Variants in TNN observed in about 807,000 individuals in gnomAD.
The protein encoded by TNN is tenascin N, also known as tenascin-N.
In TNN, 122 loss-of-function variants were observed where a neutral mutation model predicts 134.4. That is an observed-to-expected ratio of 0.91 (90% confidence interval 0.78 to 1.06). TNN has a LOEUF of 1.06. Among genes scored for constraint, TNN ranks in the 50% least tolerant of loss-of-function variants. The pLI is 0.00. For synonymous variants in TNN, 710 were observed against 670.3 expected (o/e 1.06, Z -0.91); for missense variants, 1,739 against 1,699.4 (o/e 1.02, Z -0.41).
intron 10 of TNN, among the ~76,000 whole-genome samples, chr1:175,118,269 T>C (rs963990938): frequency 6.6e-6 from 1 of 152,130 alleles, no homozygotes; most frequent in African/African-American, 2.4e-5. Context: ...ATGGACAGAG[T>C]TGGGGCTTGA....
chr1:175,083,919 C>G lies in TNN; in HGVS notation c.1218C>G (p.Ser406Arg). The change falls in exon 5 of 19, where the codon AGC becomes AGG. Residue 406 changes from serine to arginine, a missense_variant. Ser to Arg is a moderately radical substitution (Grantham distance 110). Transcript: ENST00000239462. ...VTVPKSSDPK[S>R]RYDITGLHPG... ...TGCCCAAGAGCAGTGACCCCAAGAG[C>G]CGATATGACATCACTGGTAAGAGCC... The G allele has an allele frequency of 6.2e-7, 1 of 1,613,934 alleles. No individual in the cohort carries two copies. The highest frequency in any genetic ancestry group is 8.5e-7 in the Non-Finnish European group (1 of 1,179,962).
intron 9 of TNN, among the ~76,000 whole-genome samples, chr1:175,113,095 A>T (rs1412530534): frequency 6.6e-6 from 1 of 152,146 alleles, no homozygotes; most frequent in Middle Eastern, 3.2e-3. Context: ...AGGTTTTTGT[A>T]GTACTGAGGC....
In TNN at chr1:175,143,733, C is replaced by A. The variant is rs142504707; in HGVS notation, c.3596-654C>A. ...CTGTGCATAGGGCACAACCAACCTA[C>A]AGGCCTGCAAGGCATGGAAGAGGAA... On this transcript the variant is annotated intron_variant, in intron 17 of 18. Coordinates refer to ENST00000239462, the MANE Select transcript of TNN (RefSeq NM_022093.2). Among the ~76,000 whole-genome samples the A allele has an allele frequency of 6.6e-5, 10 of 152,254 alleles. 1 individual carries two copies. The highest frequency in any genetic ancestry group is 2.4e-4 in the African/African-American group (10 of 41,548).
intron 12 of TNN, 81 bp from the exon 13 acceptor site, chr1:175,126,874 A>G (rs1043364164): frequency 2.0e-5 from 30 of 1,480,322 alleles, no homozygotes; most frequent in Non-Finnish European, 2.6e-5. Flanking sequence ...TGAAAAGGGG[A>G]AAATATAAAC....
At chr1:175,126,743 G>T (rs1008667118) in intron 12 of TNN, among the ~76,000 whole-genome samples, 2 of 152,120 alleles carry the variant, frequency 1.3e-5, no homozygotes, top group Non-Finnish European at 2.9e-5. Flanking sequence ...CCCACCCAAC[G>T]CCCTGTTCTT....
intron 15 of TNN, among the ~76,000 whole-genome samples, chr1:175,134,795 C>T (rs1306189278): frequency 2.0e-5 from 3 of 152,128 alleles, no homozygotes; most frequent in African/African-American, 4.8e-5. Context: ...TACTGTCCCC[C>T]TTCATCTGCA....
chr1:175,142,624 CT>C (rs67784796), intron 17 of TNN, among the ~76,000 whole-genome samples: 25 of 146,690 alleles, frequency 1.7e-4, no homozygotes, highest in Middle Eastern at 3.4e-3. Context: ...TTTTTCTTTT[CT>C]TTTTTTTTTT....
chr1:175,114,715 G>A (rs998577046), intron 9 of TNN, among the ~76,000 whole-genome samples: 9 of 148,716 alleles, frequency 6.1e-5, no homozygotes, highest in South Asian at 2.1e-4. Context: ...TGGGCAGGGT[G>A]CAGCCGTGGT....
At position 175,123,656 on chromosome 1, in the gene TNN, C is replaced by A. The variant is rs138898390; in HGVS notation, c.2907C>A (p.Ala969=). Residue 969 remains alanine, a synonymous_variant, in exon 12 of 19, where the codon GCC becomes GCA. Transcript: ENST00000239462. ...AGAGCAAGAAGGCTGACACCAAGGC[C>A]CAGACAGGTACTGAGAGGGACCAGG... The part of the protein sequence containing the change: ...AQESKKADTK[A]QTELDPPRNL... 1 of 1,614,152 alleles carries A rather than the reference C, an allele frequency of 6.2e-7. No homozygotes were observed.
intron 15 of TNN, among the ~76,000 whole-genome samples, chr1:175,131,898 G>A (rs968160598): frequency 3.5e-5 from 5 of 141,408 alleles, no homozygotes; most frequent in Non-Finnish European, 6.0e-5. Context: ...AAGCTTCCCT[G>A]GCCCAGATGA....
In TNN at chr1:175,104,841, C is replaced by G. The variant is rs891817352; in HGVS notation, c.2119+6246C>G. ...TTTCTTAAGGCCTCTTGTAGCCGCTCGAGGAAGGCAGAAGGATTTTCTTCC... is the reference window on the plus strand; with the variant it reads ...TTTCTTAAGGCCTCTTGTAGCCGCTGGAGGAAGGCAGAAGGATTTTCTTCC... On this transcript the variant is annotated intron_variant, in intron 9 of 18. Coordinates refer to ENST00000239462, the MANE Select transcript of TNN (RefSeq NM_022093.2). 3.4e-5 allele frequency among the ~76,000 whole-genome samples: 5 copies of G among 145,842 alleles called. 1 individual carries two copies. The highest frequency in any genetic ancestry group is 9.9e-5 in the African/African-American group (4 of 40,470).
intron 12 of TNN, among the ~76,000 whole-genome samples, chr1:175,123,950 C>T (rs1234645318): frequency 6.6e-6 from 1 of 152,210 alleles, no homozygotes; most frequent in Non-Finnish European, 1.5e-5. Flanking sequence ...AATGGTTGGG[C>T]CTCAGCTGCA....
At position 175,135,836 on chromosome 1, in the gene TNN, C is replaced by T. The variant is rs1193312419; in HGVS notation, c.3331-9C>T. On this transcript the variant is annotated splice_polypyrimidine_tract_variant and intron_variant, in intron 15 of 18. Coordinates refer to ENST00000239462, the MANE Select transcript of TNN (RefSeq NM_022093.2). ...AGGGTCAGAGTGAAGTATTCATCTT[C>T]CTTCTCAGGTCTTCCAGAGGCGGAA... 6 of 1,610,098 alleles carry T rather than the reference C, an allele frequency of 3.7e-6. No individual in the cohort carries two copies. Among genetic ancestry groups the T allele is most frequent in the Non-Finnish European group, 5.1e-6 (6 of 1,176,440 alleles).
intron 9 of TNN, among the ~76,000 whole-genome samples, chr1:175,112,833 G>T (rs1298379397): frequency 6.6e-6 from 1 of 151,540 alleles, no homozygotes; most frequent in Non-Finnish European, 1.5e-5. Flanking sequence ...TGTTGGCTAG[G>T]CTGGTCTCAA....
chr1:175,134,123 T>C (rs1305307095), intron 15 of TNN, among the ~76,000 whole-genome samples: 1 of 152,208 alleles, frequency 6.6e-6, no homozygotes, highest in Admixed American at 6.5e-5. Context: ...ACACTCTACC[T>C]TAATAAGTCT....
chr1:175,102,299 T>C (rs1429337900), intron 9 of TNN, among the ~76,000 whole-genome samples: 1 of 146,212 alleles, frequency 6.8e-6, no homozygotes, highest in Non-Finnish European at 1.5e-5. Flanking sequence ...GCCATGAACT[T>C]GTACTCCTCA....
chr1:175,075,878 G>A (rs6665471), intron 1 of TNN, among the ~76,000 whole-genome samples: 44,147 of 152,002 alleles, frequency 0.29, 8,203 homozygotes, highest in African/African-American at 0.53. Context: ...CCACGGGCAG[G>A]GAGAGCCTGT....
At chr1:175,128,538 T>C (rs1675589169) in intron 14 of TNN, 57 bp from the exon 15 acceptor site, 2 of 1,516,868 alleles carry the variant, frequency 1.3e-6, no homozygotes, top group Admixed American at 4.4e-5. Context: ...AGGAAGAAAC[T>C]CCACCTCTTT....
chr1:175,086,315 C>T (rs1403859266), intron 6 of TNN, among the ~76,000 whole-genome samples: 2 of 152,214 alleles, frequency 1.3e-5, no homozygotes, highest in Non-Finnish European at 2.9e-5. Context: ...GGTTACAAAT[C>T]AGTCATATTT....
Sources: allele counts gnomAD v4.1 joint callset (sites outside exome capture counted in the v4.1 genomes callset), GRCh38; gene constraint gnomAD v4.1.1; transcripts MANE v1.5; gene names NCBI Gene and HGNC (gene_info 2026-07-23, HGNC 2026-07-21).